Variants in FRMPD3 observed in about 807,000 individuals in gnomAD.
The protein encoded by FRMPD3 is FERM and PDZ domain-containing protein 3.
Under a neutral mutation model 97.9 loss-of-function variants are expected in FRMPD3, and 42 were observed. The ratio of observed to expected loss-of-function variants is 0.43; its 90% CI spans 0.34 to 0.55. The LOEUF (loss-of-function observed/expected upper bound fraction) is 0.55, where lower values mean the gene tolerates loss of function less well. Among genes scored for constraint, FRMPD3 ranks in the 20% least tolerant of loss-of-function variants. The pLI is 0.03. For missense variants in FRMPD3, 1,303 were observed against 1,457.7 expected, an observed-to-expected ratio of 0.89 and a Z score of 1.73; for synonymous variants, 577 against 581.1, an observed-to-expected ratio of 0.99 and a Z score of 0.10.
intron 1 of FRMPD3, among the ~76,000 whole-genome samples, chrX:107,465,664 T>C (rs1423755339): frequency 1.8e-5 from 2 of 110,795 alleles, no homozygotes; most frequent in Admixed American, 9.6e-5. Flanking sequence ...GTCACCAGGG[T>C]CCTCTGGTCA....
chrX:107,582,334 C>T (rs1276109678), intron 13 of FRMPD3, among the ~76,000 whole-genome samples: 2 of 111,515 alleles, frequency 1.8e-5, no homozygotes, highest in East Asian at 5.6e-4. Flanking sequence ...CAGGCATGTG[C>T]CACCACACCT....
intron 1 of FRMPD3, among the ~76,000 whole-genome samples, chrX:107,484,334 GA>G (rs764605602): frequency 4.4e-4 from 49 of 112,543 alleles, no homozygotes; most frequent in African/African-American, 1.5e-3. Context: ...GAGGGAGCTG[GA>G]TTCCCTAACC....
In FRMPD3 at chrX:107,601,399, G is replaced by C. The variant is rs925330197; in HGVS notation, c.3360G>C (p.Glu1120Asp). 9.2e-6 allele frequency: 11 copies of C among 1,199,404 alleles called. No individual in the cohort carries two copies. The highest frequency in any genetic ancestry group is 1.1e-5 in the Non-Finnish European group (10 of 890,336). The change falls in exon 15 of 15, where the codon GAG becomes GAC. Residue 1120 changes from glutamate to aspartate, a missense_variant. Physicochemically the swap from Glu to Asp is conservative, Grantham distance 45 (BLOSUM62 2). Transcript: ENST00000683843. ...CACCCAAAAGAAGCAAGCTCGAAGA[G>C]ACCAGCCTGGTTCCCCGAGCTACCT... ...ESTPKRSKLEETSLVPRATYP... is the reference protein window; with the variant it reads ...ESTPKRSKLEDTSLVPRATYP...
intron 1 of FRMPD3, among the ~76,000 whole-genome samples, chrX:107,521,988 A>G (rs1922521910): frequency 8.9e-6 from 1 of 112,348 alleles, no homozygotes; most frequent in Admixed American, 9.4e-5. Context: ...AACAGTTGTT[A>G]GCATGAGCTC....
intron 8 of FRMPD3, 85 bp downstream of exon 8, chrX:107,554,589 G>C (rs1192116220): frequency 4.5e-6 from 5 of 1,110,156 alleles, no homozygotes; most frequent in Non-Finnish European, 6.0e-6. Context: ...AAATAGCTAT[G>C]TAAGTTTTTC....
chrX:107,561,365 A>G (rs1252933781), intron 10 of FRMPD3, among the ~76,000 whole-genome samples: 2 of 111,664 alleles, frequency 1.8e-5, no homozygotes, highest in Non-Finnish European at 3.8e-5. Flanking sequence ...AAAAAATGTA[A>G]AAAAAGGAAA....
In FRMPD3 at chrX:107,603,663, T is replaced by A; in HGVS notation, c.*290T>A. ...GCAGAGCTGTATTTTATCTCTTCTC[T>A]GGGGCTGAGAGGTGACATCAGGCTC... On this transcript the variant is annotated 3_prime_UTR_variant, in exon 15 of 15. Transcript: ENST00000683843. 3.7e-6 allele frequency: 1 copy of A among 267,352 alleles called. No homozygotes were observed. The allele number at this position is 267,352 out of a possible 1,213,427, so 22.0% of individuals were successfully genotyped here. A position where few individuals can be genotyped will look rare whatever the true frequency, so the allele number is the denominator to read the frequency against.
chrX:107,511,198 G>A (rs757900015), intron 1 of FRMPD3, among the ~76,000 whole-genome samples: 9 of 111,730 alleles, frequency 8.1e-5, no homozygotes, highest in African/African-American at 2.3e-4. Flanking sequence ...TGTCTATGCC[G>A]GGTCAGCTAT....
chrX:107,498,699 C>G (rs758018449), intron 1 of FRMPD3, among the ~76,000 whole-genome samples: 1 of 111,790 alleles, frequency 8.9e-6, no homozygotes, highest in African/African-American at 3.3e-5. Context: ...AAGAAATTCT[C>G]AGTGCTTTGG....
intron 5 of FRMPD3, among the ~76,000 whole-genome samples, chrX:107,549,347 G>T (rs765313979): frequency 4.4e-4 from 49 of 111,025 alleles, no homozygotes; most frequent in African/African-American, 1.6e-3. Context: ...AAAAAAAAAA[G>T]AAAATGTCTG....
chrX:107,484,052 C>A (rs1921442510), intron 1 of FRMPD3, among the ~76,000 whole-genome samples: 1 of 112,134 alleles, frequency 8.9e-6, no homozygotes, highest in South Asian at 3.7e-4. Context: ...CAGGAACTGG[C>A]TGTAGAAACC....
chrX:107,515,269 G>A (rs1367368834), intron 1 of FRMPD3, among the ~76,000 whole-genome samples: 3 of 111,625 alleles, frequency 2.7e-5, no homozygotes, highest in African/African-American at 9.8e-5. Flanking sequence ...GATTAAGTCG[G>A]GAAGGAGAAA....
chrX:107,475,367 A>G (rs984195472), intron 1 of FRMPD3, among the ~76,000 whole-genome samples: 1 of 111,549 alleles, frequency 9.0e-6, no homozygotes, highest in African/African-American at 3.3e-5. Context: ...CTCTGCCCCA[A>G]CCTTAGCCTG....
At chrX:107,474,511 A>G (rs1921148770) in intron 1 of FRMPD3, among the ~76,000 whole-genome samples, 1 of 111,849 alleles carries the variant, frequency 8.9e-6, no homozygotes, top group Non-Finnish European at 1.9e-5. Context: ...GGCAACTCAA[A>G]GAGCAAAATG....
intron 13 of FRMPD3, among the ~76,000 whole-genome samples, chrX:107,595,964 A>AAAAG (rs1316472089): frequency 9.0e-6 from 1 of 110,576 alleles, no homozygotes; most frequent in Admixed American, 9.6e-5. Flanking sequence ...AAAAGAAAAG[A>AAAAG]AAAGAAAGAA....
intron 13 of FRMPD3, among the ~76,000 whole-genome samples, chrX:107,585,353 G>A (rs754151242): frequency 1.8e-5 from 2 of 111,270 alleles, no homozygotes; most frequent in Non-Finnish European, 3.8e-5. Context: ...CTGAGATGAT[G>A]GGGTTTTCTA....
At chrX:107,501,828 T>C (rs956789638) in intron 1 of FRMPD3, among the ~76,000 whole-genome samples, 7 of 108,952 alleles carry the variant, frequency 6.4e-5, no homozygotes, top group African/African-American at 1.0e-4. Context: ...ACACAGTAGC[T>C]ATCCATGCAA....
In FRMPD3 at chrX:107,603,037, G is replaced by A; in HGVS notation, c.4998G>A (p.Leu1666=). The A allele has an allele frequency of 8.3e-7, 1 of 1,209,859 alleles. No individual in the cohort carries two copies. ...LAAITGSFQV[L]SSLIETFVRL... is the part of the protein sequence containing the mutation. Reference sequence around the variant, plus strand: ...CCATCACGGGCAGCTTCCAGGTGCTGAGCAGCCTCATTGAGACCTTCGTGC... The same window carrying A: ...CCATCACGGGCAGCTTCCAGGTGCTAAGCAGCCTCATTGAGACCTTCGTGC... The change falls in exon 15 of 15, where the codon CTG becomes CTA. Residue 1666 remains leucine (L), a synonymous_variant. Transcript: ENST00000683843.
At chrX:107,512,655 C>G (rs1350697063) in intron 1 of FRMPD3, among the ~76,000 whole-genome samples, 3 of 111,559 alleles carry the variant, frequency 2.7e-5, no homozygotes, top group African/African-American at 6.5e-5. Flanking sequence ...CCCTATATAT[C>G]TCTGCCTCTT....
Sources: allele counts gnomAD v4.1 joint callset (sites outside exome capture counted in the v4.1 genomes callset), GRCh38; gene constraint gnomAD v4.1.1; transcripts MANE v1.5; gene names NCBI Gene and HGNC (gene_info 2026-07-23, HGNC 2026-07-21).